CD276: variants seen among roughly 807,000 people sequenced by gnomAD.
The protein encoded by CD276 is CD276 antigen.
Under a neutral mutation model 50.0 loss-of-function variants are expected in CD276, and 34 were observed. That is an observed-to-expected ratio of 0.68 (90% CI 0.52 to 0.91). The LOEUF (loss-of-function observed/expected upper bound fraction) is 0.91, where lower values mean the gene tolerates loss of function less well. Ranked by LOEUF, CD276 falls within the 40% of genes least tolerant of loss-of-function variation. The pLI, the probability that CD276 is intolerant of heterozygous loss-of-function variation, is 0.00. For missense variants in CD276, 634 were observed against 717.5 expected, an observed-to-expected ratio of 0.88 and a Z score of 1.33; for synonymous variants, 275 against 313.0, an observed-to-expected ratio of 0.88 and a Z score of 1.28.
rs150418617 is a variant in CD276 at position 73,685,981 on chromosome 15, A to C, written c.-55+1521A>C. ...TTCTTGAGATTAAGCACTAACACTT[A>C]GGGTAACTGTTGACCGTGGAAATTT... On this transcript the variant is annotated intron_variant, in intron 1 of 9. Coordinates refer to ENST00000318443, the MANE Select transcript of CD276 (RefSeq NM_001024736.2). Among the ~76,000 whole-genome samples, 1,081 of 152,300 alleles carry C rather than the reference A, an allele frequency of 7.1e-3. 3 individuals carry two copies. The highest frequency in any genetic ancestry group is 0.012 in the Admixed American group (187 of 15,298).
chr15:73,688,099 T>C (rs1250483119), intron 1 of CD276, among the ~76,000 whole-genome samples: 1 of 152,068 alleles, frequency 6.6e-6, no homozygotes, highest in Non-Finnish European at 1.5e-5. Flanking sequence ...AGTTGTGCAT[T>C]TGCTACTTTG....
intron 2 of CD276, among the ~76,000 whole-genome samples, chr15:73,700,571 C>T (rs1900340112): frequency 6.6e-6 from 1 of 152,188 alleles, no homozygotes; most frequent in Non-Finnish European, 1.5e-5. Context: ...CCTGGTTCGA[C>T]TGACAGGGCA....
At chr15:73,696,569 C>G (rs1468008524) in intron 1 of CD276, among the ~76,000 whole-genome samples, 1 of 152,188 alleles carries the variant, frequency 6.6e-6, no homozygotes, top group Non-Finnish European at 1.5e-5. Context: ...GGGAGCAAGT[C>G]CAGGGCGCAG....
rs761105640 is a variant in CD276, at chr15:73,702,307, C to T, written c.132C>T (p.Thr44=). 1.8e-5 allele frequency: 29 copies of T among 1,613,082 alleles called. No individual in the cohort carries two copies. The highest frequency in any genetic ancestry group is 1.5e-4 in the Admixed American group (9 of 59,982). ...ACCCAGTGGTGGCACTGGTGGGCAC[C>T]GATGCCACCCTGTGCTGCTCCTTCT... ...PEDPVVALVG[T]DATLCCSFSP... Residue 44 remains threonine (T), a synonymous_variant, in exon 3 of 10, where the codon ACC becomes ACT. Coordinates refer to ENST00000318443, the MANE Select transcript of CD276 (RefSeq NM_001024736.2).
chr15:73,713,995 C>T lies in CD276; in HGVS notation c.*1039C>T. On this transcript the variant is annotated 3_prime_UTR_variant, in exon 10 of 10. Transcript: ENST00000318443. ...CCCTGCGGTTTGCAGGGGGCTCCTGCCTGGCTCCCTGCTCCACACCTCCTC... is the reference window on the plus strand; with the variant it reads ...CCCTGCGGTTTGCAGGGGGCTCCTGTCTGGCTCCCTGCTCCACACCTCCTC... 3.3e-6 allele frequency: 1 copy of T among 307,054 alleles called. No individual in the cohort carries two copies. The highest frequency in any genetic ancestry group is 6.1e-6 in the Non-Finnish European group (1 of 164,396). The allele number at this position is 307,054 out of a possible 1,614,324, so 19.0% of individuals were successfully genotyped here.
At chr15:73,707,541 T>C (rs1300666474) in intron 6 of CD276, among the ~76,000 whole-genome samples, 1 of 152,190 alleles carries the variant, frequency 6.6e-6, no homozygotes, top group Non-Finnish European at 1.5e-5. Context: ...TCCAGCCCCG[T>C]CAGTGACCTC....
intron 1 of CD276, among the ~76,000 whole-genome samples, chr15:73,695,004 G>A (rs1403761048): frequency 6.6e-6 from 1 of 152,144 alleles, no homozygotes; most frequent in East Asian, 1.9e-4. Flanking sequence ...GACAGAGCGG[G>A]ACCCTGTCTC....
At position 73,694,893 on chromosome 15, in the gene CD276, G is replaced by A. The variant is rs58680552; in HGVS notation, c.-54-4693G>A. On this transcript the variant is annotated intron_variant, in intron 1 of 9. Transcript: ENST00000318443. Reference sequence around the variant, plus strand: ...GCAGCACCTGTAGTCCCTGTTACTCGGGAGGCTGAGGCAGGAGGATCACTT... The same window carrying A: ...GCAGCACCTGTAGTCCCTGTTACTCAGGAGGCTGAGGCAGGAGGATCACTT... Among the ~76,000 whole-genome samples, 230 of 152,296 alleles carry A rather than the reference G, an allele frequency of 1.5e-3. 1 individual carries two copies. The highest frequency in any genetic ancestry group is 5.3e-3 in the African/African-American group (220 of 41,556).
chr15:73,713,305 C>G lies in CD276; in HGVS notation c.*349C>G, dbSNP rs972825278. The G allele has an allele frequency of 4.7e-5, 15 of 322,510 alleles. No homozygotes were observed. The highest frequency in any genetic ancestry group is 2.9e-4 in the African/African-American group (13 of 45,126). The allele number at this position is 322,510 out of a possible 1,614,324, so 20.0% of individuals were successfully genotyped here. ...CTTCTTCCAGTGCTGCGTGGACCAT[C>G]TGGCTGCCTTTTTTCTCCAAAAGAT... On this transcript the variant is annotated 3_prime_UTR_variant, in exon 10 of 10. Coordinates refer to ENST00000318443, the MANE Select transcript of CD276 (RefSeq NM_001024736.2).
intron 1 of CD276, among the ~76,000 whole-genome samples, chr15:73,689,113 G>A (rs1214912017): frequency 6.6e-6 from 1 of 151,398 alleles, no homozygotes; most frequent in Non-Finnish European, 1.5e-5. Context: ...TATTCTCCTT[G>A]TTGCCATCCC....
rs551866357 is a variant in CD276 at position 73,704,993 on chromosome 15, C to T, written c.1369+521C>T. On this transcript the variant is annotated intron_variant, in intron 6 of 9. Transcript: ENST00000318443. The surrounding 1 kb of genome is among the most constrained non-coding windows in gnomAD (Gnocchi z 4.1). ...GGGCAGGGGCTGTCTCTGCTGCCCC[C>T]GTGTGGTCAAACACCAGATAGAGGC... 1.3e-5 allele frequency among the ~76,000 whole-genome samples: 2 copies of T among 152,326 alleles called. No individual in the cohort carries two copies. The highest frequency in any genetic ancestry group is 1.9e-4 in the East Asian group (1 of 5,180).
At position 73,702,513 on chromosome 15, in the gene CD276, G is replaced by C; in HGVS notation, c.338G>C (p.Arg113Pro). Residue 113 changes from arginine to proline, a missense_variant, in exon 3 of 10, where the codon CGT (arginine) becomes CCT (proline). By Grantham distance (103) the Arg-to-Pro change is moderately radical. Transcript: ENST00000318443. Reference sequence around the variant, plus strand: ...GCATCCCTGAGGCTGCAGCGCGTGCGTGTGGCGGACGAGGGCAGCTTCACC... The same window carrying C: ...GCATCCCTGAGGCTGCAGCGCGTGCCTGTGGCGGACGAGGGCAGCTTCACC... ...GNASLRLQRV[R>P]VADEGSFTCF... 2 of 1,612,996 alleles carry C rather than the reference G, an allele frequency of 1.2e-6. No homozygotes were observed. Among genetic ancestry groups the C allele is most frequent in the Non-Finnish European group, 8.5e-7 (1 of 1,179,958 alleles).
At chr15:73,691,081 A>G (rs1034867707) in intron 1 of CD276, among the ~76,000 whole-genome samples, 1 of 151,592 alleles carries the variant, frequency 6.6e-6, no homozygotes, top group African/African-American at 2.4e-5. Flanking sequence ...AGAGGCTTTT[A>G]TAGTTATCCA....
At chr15:73,700,699 T>G (rs1245540344) in intron 2 of CD276, among the ~76,000 whole-genome samples, 1 of 152,130 alleles carries the variant, frequency 6.6e-6, no homozygotes, top group African/African-American at 2.4e-5. Context: ...ACAATAAAAA[T>G]AATAACCATA....
chr15:73,692,036 G>A (rs542076123), intron 1 of CD276, among the ~76,000 whole-genome samples: 18 of 152,264 alleles, frequency 1.2e-4, no homozygotes, highest in Middle Eastern at 6.8e-3. Flanking sequence ...GATTCAATCC[G>A]AGTCCCCATC....
At chr15:73,686,629 A>G (rs1450521041) in intron 1 of CD276, among the ~76,000 whole-genome samples, 1 of 152,036 alleles carries the variant, frequency 6.6e-6, no homozygotes, top group Non-Finnish European at 1.5e-5. Flanking sequence ...TTGGAGTAGG[A>G]TTTGAGTTTG....
In CD276 at chr15:73,714,086, G is replaced by A; in HGVS notation, c.*1130G>A. On this transcript the variant is annotated 3_prime_UTR_variant, in exon 10 of 10. Transcript: ENST00000318443. The stretch of plus-strand genomic sequence containing the variant: ...CCATAATTCTTACCCAGAGCATGGG[G>A]TTGGGGCGGAAACCTGGAGAGAGGG... The A allele has an allele frequency of 3.5e-6, 1 of 287,876 alleles. No homozygotes were observed. Among genetic ancestry groups the A allele is most frequent in the Admixed American group, 6.2e-5 (1 of 16,170 alleles). The allele number at this position is 287,876 out of a possible 1,614,324, so 17.8% of individuals were successfully genotyped here.
intron 2 of CD276, among the ~76,000 whole-genome samples, chr15:73,701,317 C>T (rs909986303): frequency 2.6e-5 from 4 of 152,184 alleles, no homozygotes; most frequent in African/African-American, 9.7e-5. Flanking sequence ...CCCTAACTGG[C>T]CTCCCCCTTG....
At chr15:73,696,201 C>T (rs572656484) in intron 1 of CD276, among the ~76,000 whole-genome samples, 56 of 152,238 alleles carry the variant, frequency 3.7e-4, no homozygotes, top group African/African-American at 1.1e-3. Context: ...GGTGACTCAC[C>T]GGGACGGGTG....
Sources: gnomAD v4.1 joint callset for allele counts (sites outside exome capture counted in the v4.1 genomes callset) on GRCh38, gnomAD v4.1.1 for gene constraint, Gnocchi (gnomAD v3.1) non-coding constraint, MANE v1.5 for transcripts, NCBI Gene and HGNC (gene_info 2026-07-23, HGNC 2026-07-21) for gene names.